Variants in SLC14A1 observed in about 807,000 individuals in gnomAD.
The protein encoded by SLC14A1 is urea transporter 1.
In SLC14A1, 36 loss-of-function variants were observed where a neutral mutation model predicts 39.6. That is an observed-to-expected ratio of 0.91 (90% confidence interval 0.70 to 1.20). The LOEUF (loss-of-function observed/expected upper bound fraction) is 1.20. Ranked by LOEUF, SLC14A1 falls within the 50% of genes most tolerant of loss-of-function variation. The pLI is 0.00. For synonymous variants in SLC14A1, 164 were observed against 173.6 expected (o/e 0.94, Z 0.43); for missense variants, 469 against 478.7 (o/e 0.98, Z 0.19).
At chr18:45,730,157 G>T (rs1462590154) in intron 2 of SLC14A1, 143 bp from the exon 3 acceptor site, 2 of 811,898 alleles carry the variant, frequency 2.5e-6, no homozygotes, top group South Asian at 2.2e-5. Context: ...TAAGCTCTGT[G>T]GTGGTGTTTC....
rs530239219 is a variant in SLC14A1, at chr18:45,747,711, TA to T, written c.947-656del. On this transcript the variant is annotated intron_variant, in intron 8 of 9. Coordinates refer to ENST00000321925, the MANE Select transcript of SLC14A1 (RefSeq NM_015865.7). ...CTCCATCTCCAAAAAAAATAAAAAA[TA>T]AAAAAAAAGACGTTTATTCATTGAT... Among the ~76,000 whole-genome samples the T allele has an allele frequency of 4.4e-4, 66 of 150,824 alleles. 1 individual carries two copies. In the South Asian group the frequency reaches 6.1e-3, roughly 14 times the overall value.
chr18:45,730,219 T>C, intron 2 of SLC14A1, 81 bp from the exon 3 acceptor site: 1 of 1,425,032 alleles, frequency 7.0e-7, no homozygotes. Context: ...GTCCAGATCT[T>C]CTACTGTAAC....
intron 2 of SLC14A1, 79 bp from the exon 3 acceptor site, chr18:45,730,221 T>G: frequency 7.0e-7 from 1 of 1,435,764 alleles, no homozygotes. Context: ...CCAGATCTTC[T>G]ACTGTAACCA....
chr18:45,735,972 T>C (rs565360698), intron 5 of SLC14A1, among the ~76,000 whole-genome samples: 1 of 152,294 alleles, frequency 6.6e-6, no homozygotes, highest in East Asian at 1.9e-4. Context: ...CCAACTGTGA[T>C]ATCATTTTCC....
At chr18:45,740,459 C>T (rs1258644311) in intron 8 of SLC14A1, among the ~76,000 whole-genome samples, 1 of 149,224 alleles carries the variant, frequency 6.7e-6, no homozygotes, top group Non-Finnish European at 1.5e-5. Context: ...AAAACAGTCT[C>T]ATTCTGAGCC....
rs1215986423 is a variant in SLC14A1, at chr18:45,751,354, AAAACAAAC to A, written c.*1407_*1414del. On this transcript the variant is annotated 3_prime_UTR_variant, in exon 10 of 10. Transcript: ENST00000321925. The stretch of plus-strand genomic sequence containing the variant: ...AAACTGTGTCTCTCAAAAAAAAAAA[AAAACAAAC>A]AAAAACAAAAACAAAACAAAACAAA... 4 of 870,872 alleles carry A rather than the reference AAAACAAAC, an allele frequency of 4.6e-6. No individual in the cohort carries two copies. Among genetic ancestry groups the A allele is most frequent in the Non-Finnish European group, 5.3e-6 (4 of 748,456 alleles). The allele number at this position is 870,872 out of a possible 1,614,324, so 53.9% of individuals were successfully genotyped here.
chr18:45,741,275 T>G lies in SLC14A1; in HGVS notation c.946+1613T>G, dbSNP rs140016935. ...ACCCATAGCCTCTGGCATGCCTAATTCAATCAAAGTATAAGCATTTAAGAT... is the reference window on the plus strand; with the variant it reads ...ACCCATAGCCTCTGGCATGCCTAATGCAATCAAAGTATAAGCATTTAAGAT... On this transcript the variant is annotated intron_variant, in intron 8 of 9. Transcript: ENST00000321925. 19 of 152,326 alleles carry G rather than the reference T, an allele frequency of 1.2e-4. No homozygotes were observed. In the East Asian group the frequency reaches 3.5e-3, roughly 28 times the overall value. The allele number at this position is 152,326 out of a possible 1,614,324, so 9.4% of individuals were successfully genotyped here.
chr18:45,745,257 G>A (rs575953411), intron 8 of SLC14A1, among the ~76,000 whole-genome samples: 3 of 152,054 alleles, frequency 2.0e-5, no homozygotes, highest in African/African-American at 2.4e-5. Flanking sequence ...AAAAATTATC[G>A]ACTGTAGGTT....
rs1042191725 is a variant in SLC14A1, at chr18:45,751,611, C to T, written c.*1660C>T. ...TGGGCAACATAGCAAGACTCCATCTCTTAAAAAATAAAAATAGTAACATTA... is the reference window on the plus strand; with the variant it reads ...TGGGCAACATAGCAAGACTCCATCTTTTAAAAAATAAAAATAGTAACATTA... On this transcript the variant is annotated 3_prime_UTR_variant, in exon 10 of 10. Coordinates refer to ENST00000321925, the MANE Select transcript of SLC14A1 (RefSeq NM_015865.7). 1.5e-6 allele frequency: 1 copy of T among 680,854 alleles called. No homozygotes were observed. The highest frequency in any genetic ancestry group is 2.0e-5 in the African/African-American group (1 of 50,856). The allele number at this position is 680,854 out of a possible 1,614,324, so 42.2% of individuals were successfully genotyped here. A position where few individuals can be genotyped will look rare whatever the true frequency, so the allele number is the denominator to read the frequency against.
At position 45,739,565 on chromosome 18, in the gene SLC14A1, T is replaced by C. The variant is rs1470584711; in HGVS notation, c.849T>C (p.Phe283=). Residue 283 remains phenylalanine (F), a synonymous_variant, in exon 8 of 10, where the codon TTT becomes TTC. Coordinates refer to ENST00000321925, the MANE Select transcript of SLC14A1 (RefSeq NM_015865.7). ...SLSAPFEDIY[F]GLWGFNSSLA... is the part of the protein sequence containing the mutation. The stretch of plus-strand genomic sequence containing the variant: ...CAGCCCCATTTGAGGACATCTACTT[T>C]GGACTCTGGGGTTTCAACAGCTCTC... The C allele has an allele frequency of 1.9e-6, 3 of 1,614,182 alleles. No homozygotes were observed. The highest frequency in any genetic ancestry group is 2.5e-6 in the Non-Finnish European group (3 of 1,180,016).
rs1402395426 is a variant in SLC14A1, at chr18:45,748,362, T to A, written c.947-14T>A. The A allele has an allele frequency of 6.2e-7, 1 of 1,613,632 alleles. No homozygotes were observed. Among genetic ancestry groups the A allele is most frequent in the East Asian group, 2.2e-5 (1 of 44,880 alleles). Reference sequence around the variant, plus strand: ...TACGAAGCATTGTTCTTTCCCTCCTTTTTTTTTCTGTAGCCCTGTTCACGG... The same window carrying A: ...TACGAAGCATTGTTCTTTCCCTCCTATTTTTTTCTGTAGCCCTGTTCACGG... On this transcript the variant is annotated splice_polypyrimidine_tract_variant and intron_variant, in intron 8 of 9. Coordinates refer to ENST00000321925, the MANE Select transcript of SLC14A1 (RefSeq NM_015865.7).
Position 45,751,352 on chromosome 18 carries a change from A to C in SLC14A1, c.*1401A>C, listed in dbSNP as rs1419585081. Reference sequence around the variant, plus strand: ...TGAAACTGTGTCTCTCAAAAAAAAAAAAAAACAAACAAAAACAAAAACAAA... The same window carrying C: ...TGAAACTGTGTCTCTCAAAAAAAAACAAAAACAAACAAAAACAAAAACAAA... On this transcript the variant is annotated 3_prime_UTR_variant, in exon 10 of 10. Transcript: ENST00000321925. 50 of 908,434 alleles carry C rather than the reference A, an allele frequency of 5.5e-5. No individual in the cohort carries two copies. The highest frequency in any genetic ancestry group is 6.3e-5 in the Non-Finnish European group (49 of 781,158). The allele number at this position is 908,434 out of a possible 1,614,324, so 56.3% of individuals were successfully genotyped here.
Position 45,751,838 on chromosome 18 carries a change from A to G in SLC14A1, c.*1887A>G, listed in dbSNP as rs186754212. 151 of 980,864 alleles carry G rather than the reference A, an allele frequency of 1.5e-4. No homozygotes were observed. Among genetic ancestry groups the G allele is most frequent in the Non-Finnish European group, 1.8e-4 (150 of 825,898 alleles). 60.8% of individuals were successfully genotyped at this position (980,864 alleles called of 1,614,324 possible). ...TTTAAAAAGGAAGTCATGTTCATTT[A>G]CTTTCCACTTCAGTGTGTATCGTGT... On this transcript the variant is annotated 3_prime_UTR_variant, in exon 10 of 10. Transcript: ENST00000321925.
chr18:45,752,204 G>GA lies in SLC14A1; in HGVS notation c.*2261dup, dbSNP rs918195429. ...GAACGTGTGAAAGAAGAATTGTGGG[G>GA]AAAAAAAAGCAAGCATAACCAAAGA... On this transcript the variant is annotated 3_prime_UTR_variant, in exon 10 of 10. Coordinates refer to ENST00000321925, the MANE Select transcript of SLC14A1 (RefSeq NM_015865.7). The GA allele has an allele frequency of 2.0e-5, 20 of 984,768 alleles. No homozygotes were observed. Among genetic ancestry groups the GA allele is most frequent in the African/African-American group, 5.3e-5 (3 of 57,086 alleles). The allele number at this position is 984,768 out of a possible 1,614,324, so 61.0% of individuals were successfully genotyped here. A position where few individuals can be genotyped will look rare whatever the true frequency, so the allele number is the denominator to read the frequency against.
chr18:45,727,488 TCCGGGCAGAGC>T, intron 2 of SLC14A1: 1 of 1,475,630 alleles, frequency 6.8e-7, no homozygotes, highest in Non-Finnish European at 9.0e-7. Context: ...GTGTATCTTT[TCCGGGCAGAGC>T]CTGGGAAGTG....
In SLC14A1 at chr18:45,730,325, AGGACAGCCCCACTATGGTTAGAGT is replaced by A. The variant is rs547922260; in HGVS notation, c.27_50del (p.Val10_Arg17del). 475 of 1,613,598 alleles carry A rather than the reference AGGACAGCCCCACTATGGTTAGAGT, an allele frequency of 2.9e-4. No individual in the cohort carries two copies. The African/African-American group carries it at 5.0e-3, about 17-fold the overall frequency. Reference sequence around the variant, plus strand: ...GAGCCAGAGGAAGAGATAGCCATGGAGGACAGCCCCACTATGGTTAGAGTGGACAGCCCCACTATGGTTAGGGGT... The same window carrying A: ...GAGCCAGAGGAAGAGATAGCCATGGAGGACAGCCCCACTATGGTTAGGGGT... On this transcript the variant is annotated inframe_deletion, in exon 3 of 10. Coordinates refer to ENST00000321925, the MANE Select transcript of SLC14A1 (RefSeq NM_015865.7).
In SLC14A1 at chr18:45,734,258, G is replaced by A. The variant is rs745779013; in HGVS notation, c.342-16G>A. ...CTCACCCAGGAAATGTCCGTGCTGT[G>A]TCTCTTGCCCCACAGGTCATTAATA... On this transcript the variant is annotated splice_polypyrimidine_tract_variant and intron_variant, in intron 4 of 9. Coordinates refer to ENST00000321925, the MANE Select transcript of SLC14A1 (RefSeq NM_015865.7). The A allele has an allele frequency of 1.9e-6, 3 of 1,613,928 alleles. No individual in the cohort carries two copies. Among genetic ancestry groups the A allele is most frequent in the Non-Finnish European group, 2.5e-6 (3 of 1,179,878 alleles).
At chr18:45,739,484 ATCC>A in intron 7 of SLC14A1, 41 bp from the exon 8 acceptor site, 2 of 1,613,754 alleles carry the variant, frequency 1.2e-6, no homozygotes, top group Non-Finnish European at 1.7e-6. Flanking sequence ...CTTCCAGAAC[ATCC>A]TGCCTTTAGT....
In SLC14A1 at chr18:45,727,373, C is replaced by T. The variant is rs11877086; in HGVS notation, c.-22+2360C>T. 1.9e-6 allele frequency: 3 copies of T among 1,550,482 alleles called. No homozygotes were observed. Among genetic ancestry groups the T allele is most frequent in the Non-Finnish European group, 2.6e-6 (3 of 1,146,132 alleles). ...AAGCTGGTGACGCAGCGCGCAGAGGCATCGCCCGGCTAAGCTTGGCCCTGG... is the reference window on the plus strand; with the variant it reads ...AAGCTGGTGACGCAGCGCGCAGAGGTATCGCCCGGCTAAGCTTGGCCCTGG... On this transcript the variant is annotated intron_variant, in intron 2 of 9. Coordinates refer to ENST00000321925, the MANE Select transcript of SLC14A1 (RefSeq NM_015865.7).
Sources: allele counts gnomAD v4.1 joint callset (sites outside exome capture counted in the v4.1 genomes callset), GRCh38; gene constraint gnomAD v4.1.1; transcripts MANE v1.5; gene names NCBI Gene and HGNC (gene_info 2026-07-23, HGNC 2026-07-21).